Variants in NFIC observed in about 807,000 individuals in gnomAD.
The protein encoded by NFIC is nuclear factor 1 C-type.
Under a neutral mutation model 54.4 loss-of-function variants are expected in NFIC, and 12 were observed. That is an observed-to-expected ratio of 0.22 (90% CI 0.14 to 0.36). The LOEUF is 0.36. Among genes scored for constraint, NFIC ranks in the 10% least tolerant of loss-of-function variants. The probability of loss-of-function intolerance (pLI) is 1.00; values close to 1 mark genes in which losing one functional copy is unlikely to be tolerated. For missense variants in NFIC, 575 were observed against 718.2 expected (o/e 0.80, Z 2.28); for synonymous variants, 322 against 319.2 (o/e 1.01, Z -0.09).
chr19:3,441,878 G>A (rs894769019), intron 6 of NFIC, among the ~76,000 whole-genome samples: 1 of 150,526 alleles, frequency 6.6e-6, no homozygotes, highest in African/African-American at 2.4e-5. Flanking sequence ...CCTCCTCCTC[G>A]GCATCCTCCC....
intron 2 of NFIC, among the ~76,000 whole-genome samples, chr19:3,415,883 G>A (rs182722889): frequency 1.4e-4 from 21 of 152,036 alleles, no homozygotes; most frequent in Admixed American, 2.6e-4. Flanking sequence ...CTGGCCAGGC[G>A]AGGTGACTGA....
chr19:3,366,692 C>T, intron 1 of NFIC, 26 bp downstream of exon 1: 2 of 1,373,584 alleles, frequency 1.5e-6, no homozygotes, highest in Non-Finnish European at 1.9e-6. Flanking sequence ...GGCCCCCCGC[C>T]GGCGCCCCCG....
At chr19:3,394,194 A>T (rs373767248) in intron 2 of NFIC, among the ~76,000 whole-genome samples, 1 of 152,052 alleles carries the variant, frequency 6.6e-6, no homozygotes, top group African/African-American at 2.4e-5. Flanking sequence ...TTATTGGTCT[A>T]TTGGTCGGGT....
chr19:3,361,555 G>A (rs749206964), upstream of NFIC, among the ~76,000 whole-genome samples: 1 of 138,090 alleles, frequency 7.2e-6, no homozygotes, highest in Admixed American at 7.9e-5. Flanking sequence ...CCCAAGGCCA[G>A]GCTGGTCTCT....
chr19:3,441,895 C>G (rs893516375), intron 6 of NFIC, among the ~76,000 whole-genome samples: 1 of 152,228 alleles, frequency 6.6e-6, no homozygotes, highest in Non-Finnish European at 1.5e-5. Context: ...TCCCCCCACC[C>G]TTCCCTGCCC....
At chr19:3,393,641 C>T (rs1307991124) in intron 2 of NFIC, among the ~76,000 whole-genome samples, 2 of 151,358 alleles carry the variant, frequency 1.3e-5, no homozygotes, top group Non-Finnish European at 2.9e-5. Flanking sequence ...ATGATGAAAC[C>T]CGGTCTCTAC....
chr19:3,439,326 C>G (rs1343410217), intron 6 of NFIC, among the ~76,000 whole-genome samples: 7 of 85,446 alleles, frequency 8.2e-5, no homozygotes, highest in Non-Finnish European at 1.3e-4. Context: ...AGAGAAAGAC[C>G]CTGTCTCAAA....
rs1251004016 is a variant in NFIC at position 3,370,401 on chromosome 19, C to CGGCGGAGGT, written c.30+3737_30+3745dup. Among the ~76,000 whole-genome samples the CGGCGGAGGT allele has an allele frequency of 6.6e-6, 1 of 151,906 alleles. No homozygotes were observed. Among genetic ancestry groups the CGGCGGAGGT allele is most frequent in the Non-Finnish European group, 1.5e-5 (1 of 67,956 alleles). On this transcript the variant is annotated intron_variant, in intron 1 of 10. Coordinates refer to ENST00000443272, the MANE Select transcript of NFIC (RefSeq NM_001245002.2). The surrounding 1 kb of genome is among the most constrained non-coding windows in gnomAD (Gnocchi z 5.2). ...TCTGTTTCTCCCCCTCCCCTCTCTG[C>CGGCGGAGGT]GGCGGAGGTGCCTCTGCGCGCCAGG... is the stretch of plus-strand genomic sequence containing the variant.
In NFIC at chr19:3,462,940, A is replaced by G; in HGVS notation, c.*171A>G. The G allele has an allele frequency of 6.9e-7, 1 of 1,453,232 alleles. No individual in the cohort carries two copies. The highest frequency in any genetic ancestry group is 9.0e-7 in the Non-Finnish European group (1 of 1,108,930). The allele number at this position is 1,453,232 out of a possible 1,614,324, so 90.0% of individuals were successfully genotyped here. On this transcript the variant is annotated 3_prime_UTR_variant, in exon 11 of 11. Transcript: ENST00000443272. ...CACATAGACGCACACACTCAGGAGG[A>G]AAAGAAAAAACAAAGGCAGAAGAAG...
At chr19:3,414,410 C>T (rs1442646563) in intron 2 of NFIC, among the ~76,000 whole-genome samples, 1 of 151,994 alleles carries the variant, frequency 6.6e-6, no homozygotes, top group Non-Finnish European at 1.5e-5. Context: ...GCCTGACCAA[C>T]ATGGCAAAAC....
rs2082607983 is a variant in NFIC, at chr19:3,459,380, C to G, written c.1509+2745C>G. ...GGCTGGGTGGCTCTGACGCCCTGGC[C>G]CCTCCCCTCTGTGATGTCCTTCACG... On this transcript the variant is annotated intron_variant, in intron 10 of 10. Transcript: ENST00000443272. The surrounding 1 kb of genome is among the most constrained non-coding windows in gnomAD (Gnocchi z 4.2). Among the ~76,000 whole-genome samples the G allele has an allele frequency of 6.6e-6, 1 of 152,124 alleles. No homozygotes were observed. The highest frequency in any genetic ancestry group is 2.4e-5 in the African/African-American group (1 of 41,424).
At chr19:3,460,628 C>T (rs911685208) in intron 10 of NFIC, among the ~76,000 whole-genome samples, 1 of 152,120 alleles carries the variant, frequency 6.6e-6, no homozygotes, top group Non-Finnish European at 1.5e-5. Context: ...ATTCTGCTGC[C>T]TCAGCCTCCC....
chr19:3,463,386 C>T lies in NFIC; in HGVS notation c.*617C>T, dbSNP rs2082669477. 1 of 985,836 alleles carries T rather than the reference C, an allele frequency of 1.0e-6. No individual in the cohort carries two copies. The highest frequency in any genetic ancestry group is 1.2e-6 in the Non-Finnish European group (1 of 830,292). The allele number at this position is 985,836 out of a possible 1,614,324, so 61.1% of individuals were successfully genotyped here. A position where few individuals can be genotyped will look rare whatever the true frequency, so the allele number is the denominator to read the frequency against. On this transcript the variant is annotated 3_prime_UTR_variant, in exon 11 of 11. Coordinates refer to ENST00000443272, the MANE Select transcript of NFIC (RefSeq NM_001245002.2). ...GGCCGGGCAGCGGAGACCGCAGAGGCGGGCAGGGTGGGGCAGGCGAGTGGT... is the reference window on the plus strand; with the variant it reads ...GGCCGGGCAGCGGAGACCGCAGAGGTGGGCAGGGTGGGGCAGGCGAGTGGT...
chr19:3,362,759 C>A (rs577955282), upstream of NFIC, among the ~76,000 whole-genome samples: 11 of 151,858 alleles, frequency 7.2e-5, no homozygotes, highest in African/African-American at 2.6e-4. Flanking sequence ...TTGCAAGGTT[C>A]CTGGGGAGCT....
At chr19:3,431,357 CTTCTTTTTT>C (rs2082117538) in intron 3 of NFIC, among the ~76,000 whole-genome samples, 1 of 126,648 alleles carries the variant, frequency 7.9e-6, no homozygotes. Flanking sequence ...TCTTTTCCTT[CTTCTTTTTT>C]TTTTTTTTTT....
chr19:3,462,732 G>T lies in NFIC; in HGVS notation c.1510-20G>T. 3.1e-6 allele frequency: 5 copies of T among 1,613,496 alleles called. No homozygotes were observed. The highest frequency in any genetic ancestry group is 3.4e-6 in the Non-Finnish European group (4 of 1,179,852). Reference sequence around the variant, plus strand: ...TCCCTTTTTCTCTCTCCCTCTTTCTGTCGCCACTGGGCCACTCAGTCCTGG... The same window carrying T: ...TCCCTTTTTCTCTCTCCCTCTTTCTTTCGCCACTGGGCCACTCAGTCCTGG... On this transcript the variant is annotated intron_variant, in intron 10 of 10. Coordinates refer to ENST00000443272, the MANE Select transcript of NFIC (RefSeq NM_001245002.2).
chr19:3,389,142 G>A (rs1006314814), intron 2 of NFIC, among the ~76,000 whole-genome samples: 1 of 152,118 alleles, frequency 6.6e-6, no homozygotes, highest in African/African-American at 2.4e-5. Context: ...CACACTCAGG[G>A]AGTAAATGAA....
At chr19:3,461,460 C>T (rs559316728) in intron 10 of NFIC, among the ~76,000 whole-genome samples, 2 of 150,360 alleles carry the variant, frequency 1.3e-5, no homozygotes, top group East Asian at 2.0e-4. Flanking sequence ...CAGTGGCTCA[C>T]GCCTGTAATC....
intron 3 of NFIC, among the ~76,000 whole-genome samples, chr19:3,431,991 G>C (rs568673714): frequency 6.6e-6 from 1 of 152,270 alleles, no homozygotes; most frequent in South Asian, 2.1e-4. Context: ...ACTGGACTTT[G>C]AGTCTCACAG....
Sources: gnomAD v4.1 joint callset for allele counts (sites outside exome capture counted in the v4.1 genomes callset) on GRCh38, gnomAD v4.1.1 for gene constraint, Gnocchi (gnomAD v3.1) non-coding constraint, MANE v1.5 for transcripts, NCBI Gene and HGNC (gene_info 2026-07-23, HGNC 2026-07-21) for gene names.